Variants in NRXN3 observed in about 807,000 individuals in gnomAD.
NRXN3 encodes neurexin 3.
A neutral mutation model predicts 137.6 loss-of-function variants in NRXN3; 32 were observed. The observed-to-expected ratio is 0.23, with a 90% confidence interval of 0.18 to 0.31. NRXN3 has a LOEUF of 0.31. NRXN3 is among the 10% of genes least tolerant of loss of function. NRXN3 has a pLI of 1.00. For synonymous variants in NRXN3, 798 were observed against 784.5 expected (o/e 1.02, Z -0.29); for missense variants, 1,574 against 2,062.5 (o/e 0.76, Z 4.59).
At chr14:78,610,042 G>A (rs995886505) in intron 4 of NRXN3, among the ~76,000 whole-genome samples, 1 of 151,950 alleles carries the variant, frequency 6.6e-6, no homozygotes, top group African/African-American at 2.4e-5. Context: ...GAGGGAGAGA[G>A]AGAGAGAGAG....
intron 4 of NRXN3, among the ~76,000 whole-genome samples, chr14:78,644,662 C>T (rs557488508): frequency 6.6e-5 from 10 of 152,172 alleles, no homozygotes; most frequent in South Asian, 6.2e-4. Context: ...CCAGATCTTT[C>T]GGGGTAATTT....
intron 16 of NRXN3, among the ~76,000 whole-genome samples, chr14:79,519,190 T>TC (rs151128234): frequency 0.39 from 58,874 of 151,838 alleles, 15,270 homozygotes; most frequent in African/African-American, 0.73. Context: ...ATTCTCTATC[T>TC]CCCAAGTTTT....
At chr14:78,383,692 A>C (rs1165432040) in intron 4 of NRXN3, among the ~76,000 whole-genome samples, 1 of 152,204 alleles carries the variant, frequency 6.6e-6, no homozygotes, top group East Asian at 1.9e-4. Flanking sequence ...CTTGGCAACT[A>C]ATGAATTAGC....
At chr14:79,819,116 A>AAGTT (rs1270472340) in intron 20 of NRXN3, among the ~76,000 whole-genome samples, 4 of 152,216 alleles carry the variant, frequency 2.6e-5, no homozygotes, top group Admixed American at 6.5e-5. Flanking sequence ...CCCAGAGCCA[A>AAGTT]AGTTAGCAAA....
intron 1 of NRXN3, among the ~76,000 whole-genome samples, chr14:78,175,242 C>G (rs11628166): frequency 2.6e-5 from 4 of 152,120 alleles, no homozygotes; most frequent in Non-Finnish European, 5.9e-5. Flanking sequence ...ACCTTTCTAG[C>G]ATCCCTCTCC....
intron 19 of NRXN3, among the ~76,000 whole-genome samples, chr14:79,745,858 T>C (rs192435561): frequency 9.9e-4 from 151 of 152,256 alleles, no homozygotes; most frequent in African/African-American, 3.3e-3. Context: ...CTCCAACCTC[T>C]TTCTTCCTCA....
At chr14:79,102,307 T>C (rs1385688870) in intron 15 of NRXN3, among the ~76,000 whole-genome samples, 1 of 152,180 alleles carries the variant, frequency 6.6e-6, no homozygotes, top group African/African-American at 2.4e-5. Context: ...TTCCTAGGAC[T>C]GGAGAAGATA....
rs902807182 is a variant in NRXN3 at position 79,693,174 on chromosome 14, TTTG to T, written c.3706+928_3706+930del. Among the ~76,000 whole-genome samples the T allele has an allele frequency of 3.9e-5, 6 of 151,908 alleles. No individual in the cohort carries two copies. In the East Asian group the frequency reaches 7.7e-4, roughly 20 times the overall value. On this transcript the variant is annotated intron_variant, in intron 18 of 20. Transcript: ENST00000335750. ...ACAGTCTCTAAGAAGATACGTATTC[TTTG>T]TTGTTGTTGTTGTTGAGCCAGTGTA...
chr14:79,096,131 A>G (rs1210562893), intron 15 of NRXN3, among the ~76,000 whole-genome samples: 2 of 149,036 alleles, frequency 1.3e-5, no homozygotes, highest in African/African-American at 2.5e-5. Flanking sequence ...TTGTAGAGCC[A>G]GAATCTCCCT....
intron 15 of NRXN3, among the ~76,000 whole-genome samples, chr14:79,257,602 T>C: frequency 7.0e-6 from 1 of 142,130 alleles, no homozygotes; most frequent in South Asian, 2.3e-4. Context: ...GTGGTGGTGG[T>C]GGTGGTGGTG....
intron 8 of NRXN3, among the ~76,000 whole-genome samples, chr14:78,800,109 C>T (rs888836040): frequency 6.6e-6 from 1 of 152,104 alleles, no homozygotes; most frequent in Non-Finnish European, 1.5e-5. Flanking sequence ...CATACAAACA[C>T]AAGAACTTCC....
intron 10 of NRXN3, among the ~76,000 whole-genome samples, chr14:78,814,975 T>C (rs1202768858): frequency 6.6e-6 from 1 of 152,194 alleles, no homozygotes; most frequent in Non-Finnish European, 1.5e-5. Context: ...GAATTTCAAC[T>C]TTTTCTTTCT....
chr14:78,530,003 A>G (rs1432463143), intron 4 of NRXN3, among the ~76,000 whole-genome samples: 2 of 152,254 alleles, frequency 1.3e-5, no homozygotes, highest in Non-Finnish European at 2.9e-5. Context: ...ATATTTATAC[A>G]GTGCAATTTA....
At chr14:79,467,186 T>C (rs779319089) in intron 15 of NRXN3, 35 bp from the exon 16 acceptor site, 2 of 1,568,510 alleles carry the variant, frequency 1.3e-6, no homozygotes, top group Non-Finnish European at 1.7e-6. Context: ...TGCAATGTAG[T>C]GCCTTGATGT....
intron 15 of NRXN3, among the ~76,000 whole-genome samples, chr14:79,456,264 C>T (rs1467340405): frequency 6.6e-6 from 1 of 152,194 alleles, no homozygotes; most frequent in East Asian, 1.9e-4. Flanking sequence ...ATCACCCAAT[C>T]ATCATGGTCA....
chr14:78,554,397 T>C (rs2096719694), intron 4 of NRXN3, among the ~76,000 whole-genome samples: 1 of 152,144 alleles, frequency 6.6e-6, no homozygotes, highest in Non-Finnish European at 1.5e-5. Context: ...CCTGGCTCCC[T>C]GTACTCACTG....
chr14:78,862,574 A>T (rs940855249), intron 10 of NRXN3, among the ~76,000 whole-genome samples: 2 of 152,118 alleles, frequency 1.3e-5, no homozygotes, highest in African/African-American at 4.8e-5. Flanking sequence ...ATTCGTATTT[A>T]TATAATGTAT....
At chr14:79,029,481 A>T (rs1045948992) in intron 15 of NRXN3, among the ~76,000 whole-genome samples, 2 of 152,188 alleles carry the variant, frequency 1.3e-5, no homozygotes, top group Non-Finnish European at 2.9e-5. Flanking sequence ...GAAATTCTTT[A>T]TTCTGTTTCA....
At chr14:79,559,481 T>A (rs916778261) in intron 16 of NRXN3, among the ~76,000 whole-genome samples, 2 of 152,086 alleles carry the variant, frequency 1.3e-5, no homozygotes, top group Non-Finnish European at 2.9e-5. Flanking sequence ...AAACACACAT[T>A]TATCAATCCA....
Sources: gnomAD v4.1 joint callset for allele counts (sites outside exome capture counted in the v4.1 genomes callset) on GRCh38, gnomAD v4.1.1 for gene constraint, MANE v1.5 for transcripts, NCBI Gene and HGNC (gene_info 2026-07-23, HGNC 2026-07-21) for gene names.